The following PRKD1 variants were observed in gnomAD, a reference collection of about 807,000 sequenced individuals.
PRKD1 encodes protein kinase D1, also known as serine/threonine-protein kinase D1.
Under a neutral mutation model 95.9 loss-of-function variants are expected in PRKD1, and 63 were observed. That is an observed-to-expected ratio of 0.66 (90% CI 0.54 to 0.81). The LOEUF is 0.81. Among genes scored for constraint, PRKD1 ranks in the 30% least tolerant of loss-of-function variants. The pLI is 0.00. For synonymous variants in PRKD1, 425 were observed against 423.1 expected (o/e 1.00, Z -0.05); for missense variants, 1,048 against 1,165.3 (o/e 0.90, Z 1.47).
At chr14:29,683,829 T>G (rs767220622) in intron 2 of PRKD1, among the ~76,000 whole-genome samples, 1 of 152,160 alleles carries the variant, frequency 6.6e-6, no homozygotes, top group African/African-American at 2.4e-5. Context: ...CACAGCCAGG[T>G]TGATTTTTGT....
At chr14:29,779,725 T>C (rs1009720455) in intron 1 of PRKD1, among the ~76,000 whole-genome samples, 12 of 152,134 alleles carry the variant, frequency 7.9e-5, no homozygotes, top group South Asian at 4.1e-4. Flanking sequence ...AGGTAATTTA[T>C]AGATTCAATG....
At chr14:29,628,433 A>T (rs1320909208) in intron 11 of PRKD1, among the ~76,000 whole-genome samples, 1 of 152,188 alleles carries the variant, frequency 6.6e-6, no homozygotes, top group Non-Finnish European at 1.5e-5. Flanking sequence ...AATAAAGCAA[A>T]CATTTGACGG....
intron 1 of PRKD1, among the ~76,000 whole-genome samples, chr14:29,821,802 G>C (rs1471104188): frequency 6.6e-6 from 1 of 151,968 alleles, no homozygotes; most frequent in Non-Finnish European, 1.5e-5. Flanking sequence ...GCAATTCTGG[G>C]TTAAACAATA....
intron 1 of PRKD1, among the ~76,000 whole-genome samples, chr14:29,730,185 A>G (rs1886362386): frequency 6.6e-6 from 1 of 152,116 alleles, no homozygotes; most frequent in Non-Finnish European, 1.5e-5. Flanking sequence ...TCAAAAGAAG[A>G]TGTACTAATG....
In PRKD1 at chr14:29,634,472, G is replaced by C. The variant is rs1401457986; in HGVS notation, c.1260C>G (p.Ser420Arg). The change falls in exon 8 of 18, where the codon AGC becomes AGG. Residue 420 changes from serine (S) to arginine (R), a missense_variant. Physicochemically the swap from Ser to Arg is moderately radical, Grantham distance 110. Coordinates refer to ENST00000331968, the MANE Select transcript of PRKD1 (RefSeq NM_002742.3). ...VQSVKHTKRKSSTVMKEGWMV... is the reference protein window; with the variant it reads ...VQSVKHTKRKRSTVMKEGWMV... ...TCCATCCTTCTTTCATGACTGTGCT[G>C]CTTTTCCTCTTCGTGTGTTTGACAG... The C allele has an allele frequency of 1.2e-6, 2 of 1,614,052 alleles. No homozygotes were observed. Among genetic ancestry groups the C allele is most frequent in the South Asian group, 2.2e-5 (2 of 91,082 alleles).
intron 1 of PRKD1, among the ~76,000 whole-genome samples, chr14:29,837,852 T>A (rs1191110946): frequency 6.6e-6 from 1 of 152,224 alleles, no homozygotes; most frequent in Non-Finnish European, 1.5e-5. Flanking sequence ...TAGGAAGATT[T>A]GAATGAATTT....
At chr14:29,756,907 T>C (rs184837188) in intron 1 of PRKD1, among the ~76,000 whole-genome samples, 1 of 152,372 alleles carries the variant, frequency 6.6e-6, no homozygotes. Context: ...CCTCTTTCTA[T>C]GTGTCTTTTA....
intron 2 of PRKD1, among the ~76,000 whole-genome samples, chr14:29,704,535 A>G (rs1211438604): frequency 6.6e-6 from 1 of 152,202 alleles, no homozygotes; most frequent in African/African-American, 2.4e-5. Flanking sequence ...AAGAGGGCAG[A>G]GAATCAGACC....
At chr14:29,703,910 C>T (rs1348368852) in intron 2 of PRKD1, among the ~76,000 whole-genome samples, 1 of 152,184 alleles carries the variant, frequency 6.6e-6, no homozygotes, top group Non-Finnish European at 1.5e-5. Context: ...AAAACACATA[C>T]AGAGTTGTTT....
intron 4 of PRKD1, among the ~76,000 whole-genome samples, chr14:29,650,147 C>A (rs1881400170): frequency 6.6e-6 from 1 of 152,160 alleles, no homozygotes; most frequent in Non-Finnish European, 1.5e-5. Context: ...ACTCTCGTGT[C>A]CTGTCTCTGT....
Position 29,597,527 on chromosome 14 carries a change from A to G in PRKD1, c.2398T>C (p.Tyr800His). 6.2e-7 allele frequency: 1 copy of G among 1,611,946 alleles called. No individual in the cohort carries two copies. The highest frequency in any genetic ancestry group is 2.2e-5 in the East Asian group (1 of 44,852). ...ATTTCCTTCCAGGGATTTGGTGGAT[A>G]CATGAAAGCTGCATTCTGAATTTGG... ...HDQIQNAAFMYPPNPWKEISH... is the reference protein window; with the variant it reads ...HDQIQNAAFMHPPNPWKEISH... Residue 800 changes from tyrosine to histidine, a missense_variant, in exon 16 of 18, where the codon TAT becomes CAT. Tyr to His is a moderately conservative substitution (Grantham distance 83, BLOSUM62 2). Around this residue, in one of 3 missense-constraint regions of PRKD1, gnomAD observed 739 missense variants for 861.9 expected, o/e 0.86. Transcript: ENST00000331968.
At chr14:29,915,884 T>A (rs1477890701) in intron 1 of PRKD1, among the ~76,000 whole-genome samples, 1 of 152,194 alleles carries the variant, frequency 6.6e-6, no homozygotes. Flanking sequence ...GTAGTAGCTG[T>A]GTGTCTTGAG....
chr14:29,894,965 A>G (rs933756942), intron 1 of PRKD1, among the ~76,000 whole-genome samples: 1 of 152,248 alleles, frequency 6.6e-6, no homozygotes, highest in Non-Finnish European at 1.5e-5. Context: ...AACAGTCTAT[A>G]TTTAAATTCC....
At chr14:29,880,122 G>C (rs1486263175) in intron 1 of PRKD1, among the ~76,000 whole-genome samples, 1 of 152,188 alleles carries the variant, frequency 6.6e-6, no homozygotes, top group Non-Finnish European at 1.5e-5. Flanking sequence ...TAATCCCCAA[G>C]ACCATGGGGA....
intron 16 of PRKD1, among the ~76,000 whole-genome samples, chr14:29,591,555 T>C (rs1893131259): frequency 6.6e-6 from 1 of 152,150 alleles, no homozygotes; most frequent in Non-Finnish European, 1.5e-5. Flanking sequence ...ACTTCCATTT[T>C]TAACTAGCTC....
chr14:29,760,349 C>G (rs1305858028), intron 1 of PRKD1, among the ~76,000 whole-genome samples: 1 of 114,178 alleles, frequency 8.8e-6, no homozygotes, highest in Admixed American at 1.0e-4. Context: ...ATTTTCTCAA[C>G]TTTTTTTTTT....
At chr14:29,844,316 T>C (rs919077412) in intron 1 of PRKD1, among the ~76,000 whole-genome samples, 2 of 152,272 alleles carry the variant, frequency 1.3e-5, no homozygotes, top group East Asian at 3.9e-4. Context: ...TGTGTATAAA[T>C]AGAACTTTTA....
At chr14:29,824,565 GA>G (rs1294897755) in intron 1 of PRKD1, among the ~76,000 whole-genome samples, 2 of 151,858 alleles carry the variant, frequency 1.3e-5, no homozygotes, top group Admixed American at 1.3e-4. Flanking sequence ...CAATATTCAG[GA>G]AAAAATTGTT....
intron 1 of PRKD1, among the ~76,000 whole-genome samples, chr14:29,784,446 G>C (rs964057639): frequency 2.0e-5 from 3 of 152,110 alleles, no homozygotes; most frequent in African/African-American, 7.2e-5. Context: ...TTGGTATTTT[G>C]ATAGAGATTG....
Sources: gnomAD v4.1 joint callset for allele counts (sites outside exome capture counted in the v4.1 genomes callset) on GRCh38, gnomAD v4.1.1 for gene constraint, gnomAD v4.1.1 regional missense constraint, MANE v1.5 for transcripts, NCBI Gene and HGNC (gene_info 2026-07-23, HGNC 2026-07-21) for gene names.